Variants in ABCG2 observed in about 807,000 individuals in gnomAD.
The protein encoded by ABCG2 is ATP binding cassette subfamily G member 2 (JR blood group), also known as broad substrate specificity ATP-binding cassette transporter ABCG2.
In ABCG2, 80 loss-of-function variants were observed where a neutral mutation model predicts 73.5. The observed-to-expected ratio is 1.09, with a 90% CI of 0.91 to 1.31. ABCG2 has a LOEUF of 1.31. Ranked by LOEUF, ABCG2 falls within the 50% of genes most tolerant of loss-of-function variation. The pLI is 0.00. For missense variants in ABCG2, 796 were observed against 786.2 expected (o/e 1.01, Z -0.15); for synonymous variants, 269 against 282.4 (o/e 0.95, Z 0.48).
chr4:88,139,158 T>C (rs1197535988), intron 2 of ABCG2, among the ~76,000 whole-genome samples: 7 of 148,664 alleles, frequency 4.7e-5, no homozygotes, highest in Non-Finnish European at 7.4e-5. Flanking sequence ...AAAAAAAAAG[T>C]GTGAAGCCTT....
chr4:88,130,119 G>A (rs1724742723), intron 5 of ABCG2, among the ~76,000 whole-genome samples: 1 of 152,086 alleles, frequency 6.6e-6, no homozygotes, highest in South Asian at 2.1e-4. Flanking sequence ...CAAATTATAG[G>A]AAACTGAAAC....
At chr4:88,126,398 A>C (rs1436240302) in intron 5 of ABCG2, among the ~76,000 whole-genome samples, 1 of 152,218 alleles carries the variant, frequency 6.6e-6, no homozygotes, top group Non-Finnish European at 1.5e-5. Flanking sequence ...AACAATAGAA[A>C]AAGAGGAACT....
At chr4:88,162,633 A>G (rs1727362468), upstream of ABCG2, among the ~76,000 whole-genome samples, 1 of 152,188 alleles carries the variant, frequency 6.6e-6, no homozygotes, top group African/African-American at 2.4e-5. Context: ...GCATTTTATA[A>G]ATGTATTGCA....
chr4:88,092,362 A>G lies in ABCG2; in HGVS notation c.1840T>C (p.Leu614=), dbSNP rs1427271701. ...NYATCTGEEY[L]VKQGIDLSPW... ...GAGAGATCGATGCCCTGCTTTACCAAATATTCTTCGCCAGTACATCTGAAA... is the reference window on the plus strand; with the variant it reads ...GAGAGATCGATGCCCTGCTTTACCAGATATTCTTCGCCAGTACATCTGAAA... The change falls in exon 16 of 16, where the codon TTG becomes CTG. Residue 614 remains leucine (L), a synonymous_variant. Coordinates refer to ENST00000237612, the MANE Select transcript of ABCG2 (RefSeq NM_004827.3). 6.2e-7 allele frequency: 1 copy of G among 1,610,466 alleles called. No individual in the cohort carries two copies. Among genetic ancestry groups the G allele is most frequent in the South Asian group, 1.1e-5 (1 of 89,702 alleles).
At chr4:88,194,498 C>G (rs10013016) in intron 1 of ABCG2, among the ~76,000 whole-genome samples, 100,585 of 143,536 alleles carry the variant, frequency 0.7, 35,855 homozygotes, top group East Asian at 0.99. Context: ...TGCAGTGAGC[C>G]GAGATCTGGC....
At chr4:88,123,643 C>T (rs1014524791) in intron 5 of ABCG2, among the ~76,000 whole-genome samples, 1 of 151,952 alleles carries the variant, frequency 6.6e-6, no homozygotes, top group East Asian at 1.9e-4. Context: ...ACAAACAAAG[C>T]CTTCAAGAAA....
chr4:88,185,851 A>C (rs960707867), intron 1 of ABCG2, among the ~76,000 whole-genome samples: 6 of 152,202 alleles, frequency 3.9e-5, no homozygotes, highest in Admixed American at 3.9e-4. Context: ...ACAGGTAATA[A>C]CAAATGCTGT....
At chr4:88,152,310 T>C (rs1232180829) in intron 1 of ABCG2, among the ~76,000 whole-genome samples, 1 of 152,188 alleles carries the variant, frequency 6.6e-6, no homozygotes, top group Non-Finnish European at 1.5e-5. Flanking sequence ...GTTTAAACTT[T>C]AAGGCAATAT....
chr4:88,117,355 G>A (rs1723648868), intron 7 of ABCG2, among the ~76,000 whole-genome samples: 1 of 151,434 alleles, frequency 6.6e-6, no homozygotes, highest in Non-Finnish European at 1.5e-5. Flanking sequence ...AAAATTTGCT[G>A]GGTGCAGTGG....
intron 9 of ABCG2, among the ~76,000 whole-genome samples, chr4:88,109,212 C>G (rs984066200): frequency 6.6e-6 from 1 of 151,952 alleles, no homozygotes; most frequent in African/African-American, 2.4e-5. Flanking sequence ...GTTGGCCAGG[C>G]TGGTCTCGAA....
intron 10 of ABCG2, among the ~76,000 whole-genome samples, chr4:88,106,599 G>A (rs1722783839): frequency 6.6e-6 from 1 of 152,158 alleles, no homozygotes; most frequent in Non-Finnish European, 1.5e-5. Context: ...TTGCTGCCAG[G>A]GGTTAGGAGA....
chr4:88,198,169 T>G (rs1442957095), intron 1 of ABCG2, among the ~76,000 whole-genome samples: 3 of 150,820 alleles, frequency 2.0e-5, no homozygotes. Context: ...CCGTCTCTAC[T>G]AAAAATACAA....
Position 88,121,800 on chromosome 4 carries a change from AC to A in ABCG2, c.532-9del. On this transcript the variant is annotated splice_polypyrimidine_tract_variant and intron_variant, in intron 5 of 15. Coordinates refer to ENST00000237612, the MANE Select transcript of ABCG2 (RefSeq NM_004827.3). ...GATAAACTGAGTTCCAACCTAAATC[AC>A]AAATATTATAATTGTCAATGATAAC... The A allele has an allele frequency of 6.2e-7, 1 of 1,611,668 alleles. No homozygotes were observed. Among genetic ancestry groups the A allele is most frequent in the Middle Eastern group, 1.7e-4 (1 of 6,048 alleles).
rs201913594 is a variant in ABCG2, at chr4:88,118,185, G to T, written c.765C>A (p.Ser255Arg). ...PRYSIFKLFD[S>R]LTLLASGRLM... ...GTCTTCCTGAGGCCAATAAGGTGAG[G>T]CTATCAAACAACTTGAAGATGGAAT... is the stretch of plus-strand genomic sequence containing the variant. The change falls in exon 7 of 16, where the codon AGC becomes AGA. Residue 255 changes from serine (S) to arginine (R), a missense_variant. Physicochemically the swap from Ser to Arg is moderately radical, Grantham distance 110. Transcript: ENST00000237612. 20 of 1,614,042 alleles carry T rather than the reference G, an allele frequency of 1.2e-5. No individual in the cohort carries two copies. Among genetic ancestry groups the T allele is most frequent in the Non-Finnish European group, 1.6e-5 (19 of 1,180,008 alleles).
intron 8 of ABCG2, 23 bp downstream of exon 8, chr4:88,114,934 G>A (rs112688762): frequency 3.2e-6 from 5 of 1,541,022 alleles, no homozygotes; most frequent in African/African-American, 2.7e-5. Flanking sequence ...GCAAAAATCT[G>A]GGACTGTAAC....
At chr4:88,226,397 C>T (rs1020729899) in intron 1 of ABCG2, among the ~76,000 whole-genome samples, 2 of 152,116 alleles carry the variant, frequency 1.3e-5, no homozygotes. Flanking sequence ...CATGACTAAA[C>T]CTGGGGCAAC....
intron 1 of ABCG2, among the ~76,000 whole-genome samples, chr4:88,224,038 C>T (rs1730107139): frequency 6.6e-6 from 1 of 151,964 alleles, no homozygotes; most frequent in South Asian, 2.1e-4. Context: ...AATTATTTGC[C>T]TACTTTTTAA....
intron 1 of ABCG2, among the ~76,000 whole-genome samples, chr4:88,204,160 G>A (rs991724499): frequency 5.9e-5 from 9 of 152,162 alleles, no homozygotes; most frequent in Admixed American, 5.2e-4. Context: ...GGTGGCTCAT[G>A]CCTGTAATCC....
intron 1 of ABCG2, among the ~76,000 whole-genome samples, chr4:88,165,632 T>C (rs904987729): frequency 2.6e-5 from 4 of 152,200 alleles, no homozygotes; most frequent in African/African-American, 9.6e-5. Context: ...TCTCAGCACT[T>C]TGGGAGGCCG....
Sources: allele counts gnomAD v4.1 joint callset (sites outside exome capture counted in the v4.1 genomes callset), GRCh38; gene constraint gnomAD v4.1.1; transcripts MANE v1.5; gene names NCBI Gene and HGNC (gene_info 2026-07-23, HGNC 2026-07-21).